ZFAT: variants seen among roughly 807,000 people sequenced by gnomAD.
ZFAT encodes zinc finger and AT-hook domain containing, also known as zinc finger protein ZFAT.
Under a neutral mutation model 117.7 loss-of-function variants are expected in ZFAT, and 64 were observed. The observed-to-expected ratio is 0.54, with a 90% confidence interval of 0.44 to 0.67. The LOEUF is 0.67. Among genes scored for constraint, ZFAT ranks in the 30% least tolerant of loss-of-function variants. The pLI, the probability that ZFAT is intolerant of heterozygous loss-of-function variation, is 0.00. For synonymous variants in ZFAT, 679 were observed against 615.0 expected, an observed-to-expected ratio of 1.10 and a Z score of -1.54; for missense variants, 1,433 against 1,584.5, an observed-to-expected ratio of 0.90 and a Z score of 1.62.
chr8:134,566,833 T>G (rs530679959), intron 10 of ZFAT, among the ~76,000 whole-genome samples: 2 of 152,328 alleles, frequency 1.3e-5, no homozygotes, highest in South Asian at 4.1e-4. Flanking sequence ...ACTCCATTAA[T>G]AGTCCACACT....
At chr8:134,508,191 G>C (rs1819552167) in intron 15 of ZFAT, among the ~76,000 whole-genome samples, 1 of 152,180 alleles carries the variant, frequency 6.6e-6, no homozygotes, top group Non-Finnish European at 1.5e-5. Flanking sequence ...AGAAACCCAA[G>C]AGGTGAACCT....
chr8:134,685,680 A>G (rs1280944753), intron 1 of ZFAT, among the ~76,000 whole-genome samples: 1 of 152,206 alleles, frequency 6.6e-6, no homozygotes, highest in Non-Finnish European at 1.5e-5. Flanking sequence ...ACAGTCTTTT[A>G]GCAAAACAAC....
At chr8:134,704,695 A>G (rs971523388) in intron 1 of ZFAT, among the ~76,000 whole-genome samples, 5 of 152,232 alleles carry the variant, frequency 3.3e-5, no homozygotes, top group Non-Finnish European at 1.5e-5. Context: ...CAGACAGTTC[A>G]GGAGTGAACT....
chr8:134,618,024 T>C (rs1828864511), intron 3 of ZFAT, among the ~76,000 whole-genome samples: 1 of 152,134 alleles, frequency 6.6e-6, no homozygotes, highest in South Asian at 2.1e-4. Flanking sequence ...CTTTTGCTTC[T>C]TCCTCATTTT....
chr8:134,780,506 G>A, the ZFAT span, among the ~76,000 whole-genome samples: 6 of 152,104 alleles, frequency 3.9e-5, no homozygotes, highest in Non-Finnish European at 8.8e-5. Flanking sequence ...TACAATAATT[G>A]TGTCTCTTTA....
chr8:134,754,718 C>A, the ZFAT span, among the ~76,000 whole-genome samples: 1 of 152,242 alleles, frequency 6.6e-6, no homozygotes, highest in African/African-American at 2.4e-5. Flanking sequence ...TGTCACCAAC[C>A]CTTAGCCCAT....
intron 11 of ZFAT, among the ~76,000 whole-genome samples, chr8:134,561,680 G>T (rs181123364): frequency 6.6e-6 from 1 of 152,160 alleles, no homozygotes; most frequent in East Asian, 1.9e-4. Flanking sequence ...ATCTAGAAAA[G>T]CAAATTGATT....
rs915080825 is a variant in ZFAT at position 134,478,655 on chromosome 8, C to T, written c.3559G>A (p.Val1187Met). ...MIQETVQQAS[V>M]ELAEQHHLVV... is the part of the protein sequence containing the mutation. ...AGGTGGTGCTGCTCGGCAAGCTCCA[C>T]GGACGCTTGCTGGACCGTCTCCTGG... The change falls in exon 16 of 16, where the codon GTG becomes ATG. Residue 1187 changes from valine (V) to methionine (M), a missense_variant. Coordinates refer to ENST00000377838, the MANE Select transcript of ZFAT (RefSeq NM_020863.4). This position sits in a 1 kb window ranked among gnomAD's most constrained non-coding sequence, Gnocchi z 5.2. 61 of 1,582,810 alleles carry T rather than the reference C, an allele frequency of 3.9e-5. No homozygotes were observed. The highest frequency in any genetic ancestry group is 4.6e-5 in the Non-Finnish European group (54 of 1,165,078).
chr8:134,818,401 G>T, the ZFAT span, among the ~76,000 whole-genome samples: 7 of 152,090 alleles, frequency 4.6e-5, no homozygotes, highest in African/African-American at 1.7e-4. Flanking sequence ...TTAGAGAAAT[G>T]CAAATTAAAA....
chr8:134,488,996 TG>T (rs1360417091), intron 15 of ZFAT, among the ~76,000 whole-genome samples: 2 of 4,198 alleles, frequency 4.8e-4, no homozygotes, highest in Non-Finnish European at 8.9e-4. Context: ...ACAGAACAAG[TG>T]GGGGGTGGGG....
chr8:134,663,080 G>A (rs76076825), intron 1 of ZFAT, among the ~76,000 whole-genome samples: 2,968 of 152,340 alleles, frequency 0.019, 115 homozygotes, highest in African/African-American at 0.068. Flanking sequence ...AAAGACACTC[G>A]CTCATAACTT....
chr8:134,653,284 A>AT (rs1563730054), intron 2 of ZFAT, among the ~76,000 whole-genome samples: 88 of 116,416 alleles, frequency 7.6e-4, no homozygotes, highest in Non-Finnish European at 9.5e-4. Flanking sequence ...AAAAAAAAAA[A>AT]AAAAAAACAA....
At chr8:134,649,614 G>A (rs561897064) in intron 2 of ZFAT, among the ~76,000 whole-genome samples, 44 of 152,212 alleles carry the variant, frequency 2.9e-4, no homozygotes, top group African/African-American at 8.9e-4. Context: ...CAGTAGCATC[G>A]AAAAGAATAG....
chr8:134,592,328 C>T (rs1826570208), intron 7 of ZFAT, among the ~76,000 whole-genome samples: 1 of 152,196 alleles, frequency 6.6e-6, no homozygotes, highest in African/African-American at 2.4e-5. Flanking sequence ...TTACCATATC[C>T]TATGAGGCCT....
Position 134,601,550 on chromosome 8 carries a change from C to T in ZFAT, c.2169G>A (p.Gln723=). The change falls in exon 6 of 16, where the codon CAG becomes CAA. Residue 723 remains glutamine (Q), a synonymous_variant. Transcript: ENST00000377838. ...TAFMKVLNSL[Q]KKQMNTSLCE... is the part of the protein sequence containing the mutation. The stretch of plus-strand genomic sequence containing the variant: ...ACAAGCTGGTGTTCATTTGCTTCTT[C>T]TGTAAACTGTTCAGGACCTTCATGA... The T allele has an allele frequency of 6.2e-7, 1 of 1,614,252 alleles. No homozygotes were observed.
chr8:134,517,004 A>G (rs1820298743), intron 13 of ZFAT, among the ~76,000 whole-genome samples: 1 of 152,168 alleles, frequency 6.6e-6, no homozygotes, highest in Non-Finnish European at 1.5e-5. Context: ...ACAGAATTAA[A>G]CATATTTTAT....
chr8:134,512,991 G>T (rs1819968640), intron 13 of ZFAT, among the ~76,000 whole-genome samples: 2 of 152,182 alleles, frequency 1.3e-5, no homozygotes, highest in South Asian at 4.1e-4. Context: ...CTGGGGACTG[G>T]GTGCCATGTG....
At chr8:134,823,163 C>G in the ZFAT span, among the ~76,000 whole-genome samples, 2 of 152,142 alleles carry the variant, frequency 1.3e-5, no homozygotes, top group East Asian at 3.8e-4. Context: ...TCTCCCATGT[C>G]AATCCATCCA....
chr8:134,583,923 G>A lies in ZFAT; in HGVS notation c.2796C>T (p.Ser932=). 6.2e-7 allele frequency: 1 copy of A among 1,603,674 alleles called. No individual in the cohort carries two copies. The highest frequency in any genetic ancestry group is 8.5e-7 in the Non-Finnish European group (1 of 1,174,578). Residue 932 remains serine, a synonymous_variant, in exon 10 of 16, where the codon AGC becomes AGT. Transcript: ENST00000377838. ...SNLKAHMNRH[S]TEKTHLCDMC... Reference sequence around the variant, plus strand: ...TGTCACATAGGTGGGTTTTCTCAGTGCTGTGACGATTCATATGAGCCTTGA... The same window carrying A: ...TGTCACATAGGTGGGTTTTCTCAGTACTGTGACGATTCATATGAGCCTTGA...
Sources: gnomAD v4.1 joint callset for allele counts (sites outside exome capture counted in the v4.1 genomes callset) on GRCh38, gnomAD v4.1.1 for gene constraint, Gnocchi (gnomAD v3.1) non-coding constraint, MANE v1.5 for transcripts, NCBI Gene and HGNC (gene_info 2026-07-23, HGNC 2026-07-21) for gene names.